ALK: variants seen among roughly 807,000 people sequenced by gnomAD.
ALK encodes ALK receptor tyrosine kinase, also known as ALK tyrosine kinase receptor.
In ALK, 74 loss-of-function variants were observed where a neutral mutation model predicts 163.1. That is an observed-to-expected ratio of 0.45 (90% confidence interval 0.38 to 0.55). The LOEUF is 0.55. Ranked by LOEUF, ALK falls within the 20% of genes least tolerant of loss-of-function variation. ALK has a pLI of 0.00. For missense variants in ALK, 2,063 were observed against 2,105.3 expected (o/e 0.98, Z 0.39); for synonymous variants, 960 against 843.2 (o/e 1.14, Z -2.40).
chr2:29,835,869 T>C (rs1030592150), intron 1 of ALK, among the ~76,000 whole-genome samples: 1 of 152,216 alleles, frequency 6.6e-6, no homozygotes, highest in East Asian at 1.9e-4. Context: ...TCCCCAGCCA[T>C]GCGGAACTGT....
intron 4 of ALK, among the ~76,000 whole-genome samples, chr2:29,517,956 ACTCCG>A (rs978149602): frequency 6.6e-6 from 1 of 152,124 alleles, no homozygotes; most frequent in African/African-American, 2.4e-5. Flanking sequence ...ACCAAGTCAA[ACTCCG>A]TTTGTAAATT....
chr2:29,771,867 C>G (rs918143612), intron 1 of ALK, among the ~76,000 whole-genome samples: 143 of 152,124 alleles, frequency 9.4e-4, no homozygotes, highest in Non-Finnish European at 1.6e-3. Flanking sequence ...GAGAAACTAC[C>G]AAATATGAAG....
intron 8 of ALK, among the ~76,000 whole-genome samples, chr2:29,300,270 C>T (rs979718974): frequency 1.4e-4 from 22 of 152,062 alleles, no homozygotes; most frequent in Non-Finnish European, 3.1e-4. Flanking sequence ...CATACCTGGC[C>T]GGGCACGGTG....
At chr2:29,481,834 A>G (rs1671665526) in intron 4 of ALK, among the ~76,000 whole-genome samples, 1 of 152,176 alleles carries the variant, frequency 6.6e-6, no homozygotes, top group Non-Finnish European at 1.5e-5. Flanking sequence ...TACATTCAGG[A>G]AAGAGGGTCA....
At chr2:29,626,593 A>G (rs1269186542) in intron 3 of ALK, among the ~76,000 whole-genome samples, 1 of 152,170 alleles carries the variant, frequency 6.6e-6, no homozygotes, top group Non-Finnish European at 1.5e-5. Context: ...AACAGTCTCC[A>G]TGATGGGATT....
intron 3 of ALK, among the ~76,000 whole-genome samples, chr2:29,627,729 T>C (rs2148234408): frequency 6.6e-6 from 1 of 152,344 alleles, no homozygotes; most frequent in South Asian, 2.1e-4. Context: ...AATTGAACTG[T>C]AATCTGGGCT....
chr2:29,253,296 A>G (rs755487193), intron 11 of ALK, among the ~76,000 whole-genome samples: 12 of 152,186 alleles, frequency 7.9e-5, no homozygotes, highest in Non-Finnish European at 1.5e-4. Context: ...CTACGTCACC[A>G]CACGAGGGGT....
intron 4 of ALK, among the ~76,000 whole-genome samples, chr2:29,496,216 T>C (rs1249188633): frequency 6.6e-6 from 1 of 152,266 alleles, no homozygotes; most frequent in Non-Finnish European, 1.5e-5. Context: ...GGATAGCATA[T>C]GCTTATAAAC....
At chr2:29,533,225 C>T (rs1387951787) in intron 3 of ALK, among the ~76,000 whole-genome samples, 1 of 152,112 alleles carries the variant, frequency 6.6e-6, no homozygotes, top group African/African-American at 2.4e-5. Flanking sequence ...TTCAGCATGG[C>T]ATATAAGAAA....
intron 1 of ALK, among the ~76,000 whole-genome samples, chr2:29,861,572 C>T (rs1666292127): frequency 2.6e-5 from 4 of 151,938 alleles, no homozygotes; most frequent in African/African-American, 9.7e-5. Flanking sequence ...CATACCAAGA[C>T]TGAATGATAA....
At chr2:29,556,561 T>G (rs933133783) in intron 3 of ALK, among the ~76,000 whole-genome samples, 2 of 152,222 alleles carry the variant, frequency 1.3e-5, no homozygotes, top group Non-Finnish European at 1.5e-5. Context: ...TGGTGGCAGG[T>G]AAGGCAGGGC....
chr2:29,910,569 T>A (rs1342880988), intron 1 of ALK, among the ~76,000 whole-genome samples: 1 of 152,062 alleles, frequency 6.6e-6, no homozygotes, highest in African/African-American at 2.4e-5. Flanking sequence ...TCTAAAATCC[T>A]ATGATAAAAA....
intron 4 of ALK, among the ~76,000 whole-genome samples, chr2:29,488,491 T>C (rs1671829280): frequency 2.0e-5 from 3 of 152,288 alleles, no homozygotes; most frequent in Middle Eastern, 3.4e-3. Context: ...GCATGACTGA[T>C]GGCATTGGAG....
chr2:29,848,329 C>A (rs1187323954), intron 1 of ALK, among the ~76,000 whole-genome samples: 1 of 151,260 alleles, frequency 6.6e-6, no homozygotes, highest in Non-Finnish European at 1.5e-5. Flanking sequence ...TTCATGCTGA[C>A]CACCTTGTTC....
intron 1 of ALK, among the ~76,000 whole-genome samples, chr2:29,840,116 A>G (rs1665661873): frequency 1.3e-5 from 2 of 152,230 alleles, no homozygotes; most frequent in Admixed American, 6.5e-5. Flanking sequence ...CCTCCTTGAC[A>G]TATATGTCTC....
At chr2:29,377,246 G>T (rs1242876652) in intron 5 of ALK, among the ~76,000 whole-genome samples, 2 of 152,198 alleles carry the variant, frequency 1.3e-5, no homozygotes, top group Non-Finnish European at 2.9e-5. Context: ...GGAAGCCAGG[G>T]TGGGCGGATC....
chr2:29,346,036 T>C (rs1394473790), intron 5 of ALK, among the ~76,000 whole-genome samples: 4 of 152,246 alleles, frequency 2.6e-5, no homozygotes, highest in South Asian at 2.1e-4. Flanking sequence ...TGTCCTATAA[T>C]GGACATATAT....
At chr2:29,199,340 T>C (rs893882580) in intron 26 of ALK, among the ~76,000 whole-genome samples, 26 of 152,208 alleles carry the variant, frequency 1.7e-4, no homozygotes, top group African/African-American at 4.8e-4. Context: ...AATGTCATGA[T>C]TTCCTTTATT....
chr2:29,811,779 T>C (rs1664767861), intron 1 of ALK, among the ~76,000 whole-genome samples: 1 of 152,214 alleles, frequency 6.6e-6, no homozygotes, highest in South Asian at 2.1e-4. Flanking sequence ...TGGTGATGCC[T>C]TTCTCTTCTC....
Sources: allele counts gnomAD v4.1 joint callset (sites outside exome capture counted in the v4.1 genomes callset), GRCh38; gene constraint gnomAD v4.1.1; transcripts MANE v1.5; gene names NCBI Gene and HGNC (gene_info 2026-07-23, HGNC 2026-07-21).